The following PDE4B variants were observed in gnomAD, a reference collection of about 807,000 sequenced individuals.
PDE4B encodes phosphodiesterase 4B, also known as 3',5'-cyclic-AMP phosphodiesterase 4B.
Under a neutral mutation model 82.2 loss-of-function variants are expected in PDE4B, and 20 were observed. The observed-to-expected ratio is 0.24, with a 90% CI of 0.17 to 0.35. PDE4B has a LOEUF of 0.35. Among genes scored for constraint, PDE4B ranks in the 10% least tolerant of loss-of-function variants. The pLI is 1.00. For missense variants in PDE4B, 655 were observed against 907.2 expected (o/e 0.72, Z 3.57); for synonymous variants, 320 against 318.9 (o/e 1.00, Z -0.04).
At chr1:66,038,995 T>G (rs1235657760) in intron 3 of PDE4B, among the ~76,000 whole-genome samples, 3 of 152,038 alleles carry the variant, frequency 2.0e-5, no homozygotes, top group African/African-American at 7.2e-5. Context: ...CAGGAAGAGT[T>G]TTATTGCAAC....
At chr1:65,823,566 A>C (rs1645980619) in intron 1 of PDE4B, among the ~76,000 whole-genome samples, 1 of 151,522 alleles carries the variant, frequency 6.6e-6, no homozygotes, top group African/African-American at 2.4e-5. Flanking sequence ...TGTTTGCAGT[A>C]CTCTTTTTAC....
intron 4 of PDE4B, among the ~76,000 whole-genome samples, chr1:66,255,556 A>G (rs551372531): frequency 3.4e-4 from 52 of 152,228 alleles, no homozygotes; most frequent in African/African-American, 1.1e-3. Flanking sequence ...CGTGTTCAGT[A>G]TTTTCCCATT....
At chr1:65,960,122 A>G (rs561255116) in intron 3 of PDE4B, among the ~76,000 whole-genome samples, 11 of 152,198 alleles carry the variant, frequency 7.2e-5, no homozygotes, top group Middle Eastern at 3.2e-3. Flanking sequence ...GCAATTGTTT[A>G]ATGCCTGTGC....
intron 7 of PDE4B, among the ~76,000 whole-genome samples, chr1:66,319,037 C>T (rs1272338388): frequency 6.6e-6 from 1 of 152,174 alleles, no homozygotes; most frequent in Non-Finnish European, 1.5e-5. Context: ...AACTTGAAAG[C>T]GCATGTCAAC....
rs1644963883 is a variant in PDE4B, at chr1:66,089,405, CA to C, written c.282-158054del. ...TCAGATTTCTTGAAAATGTTTTCTC[CA>C]TGTTTATCTGAGAAATTGTTAAAAA... is the stretch of plus-strand genomic sequence containing the variant. On this transcript the variant is annotated intron_variant, in intron 3 of 16. Coordinates refer to ENST00000341517, the MANE Select transcript of PDE4B (RefSeq NM_002600.4). Among the ~76,000 whole-genome samples the C allele has an allele frequency of 2.0e-5, 3 of 152,028 alleles. No homozygotes were observed. In the South Asian group the frequency reaches 6.2e-4, roughly 32 times the overall value.
chr1:66,302,141 GA>G (rs1557688360), intron 7 of PDE4B, among the ~76,000 whole-genome samples: 1 of 152,180 alleles, frequency 6.6e-6, no homozygotes, highest in East Asian at 1.9e-4. Flanking sequence ...GAGGAATCAA[GA>G]AGAGCCTGAA....
intron 1 of PDE4B, among the ~76,000 whole-genome samples, chr1:65,802,396 A>G (rs1645703590): frequency 6.6e-6 from 1 of 152,222 alleles, no homozygotes; most frequent in South Asian, 2.1e-4. Flanking sequence ...GGCACACAGC[A>G]GCTGAGTCCG....
chr1:66,225,635 A>G (rs1651391267), intron 3 of PDE4B, among the ~76,000 whole-genome samples: 1 of 152,228 alleles, frequency 6.6e-6, no homozygotes, highest in Non-Finnish European at 1.5e-5. Context: ...TTTGGGCTCT[A>G]GAAATTCTAA....
At chr1:65,872,684 C>T (rs1646587361) in intron 1 of PDE4B, among the ~76,000 whole-genome samples, 1 of 152,152 alleles carries the variant, frequency 6.6e-6, no homozygotes, top group African/African-American at 2.4e-5. Context: ...AGTCAGCATG[C>T]TTCATTGAAT....
chr1:65,804,364 G>A (rs1017783521), intron 1 of PDE4B, among the ~76,000 whole-genome samples: 2 of 152,210 alleles, frequency 1.3e-5, no homozygotes, highest in African/African-American at 4.8e-5. Flanking sequence ...AAGGAACAAA[G>A]GTGGTTAGTT....
At chr1:66,093,924 A>T (rs967102298) in intron 3 of PDE4B, among the ~76,000 whole-genome samples, 4 of 152,054 alleles carry the variant, frequency 2.6e-5, no homozygotes, top group Non-Finnish European at 5.9e-5. Context: ...TCTTTCATTC[A>T]TTCAATCAAT....
At chr1:65,932,922 A>G (rs1381730634) in intron 3 of PDE4B, among the ~76,000 whole-genome samples, 2 of 152,174 alleles carry the variant, frequency 1.3e-5, no homozygotes, top group South Asian at 2.1e-4. Flanking sequence ...AAAACGAATG[A>G]CAAAAATAAA....
intron 7 of PDE4B, among the ~76,000 whole-genome samples, chr1:66,294,647 C>A (rs1327510048): frequency 5.3e-5 from 8 of 151,928 alleles, no homozygotes; most frequent in Admixed American, 3.9e-4. Flanking sequence ...TTTTTCTTGT[C>A]TATCTGTATT....
Position 66,131,592 on chromosome 1 carries a change from G to GATATATATATATATAT in PDE4B, c.282-115837_282-115822dup, listed in dbSNP as rs71058452. 3.1e-3 allele frequency among the ~76,000 whole-genome samples: 103 copies of GATATATATATATATAT among 32,854 alleles called. 25 individuals are homozygous for GATATATATATATATAT. The highest frequency in any genetic ancestry group is 4.9e-3 in the Non-Finnish European group (62 of 12,602). 21.6% of individuals were successfully genotyped at this position (32,854 alleles called of 152,430 possible). A position where few individuals can be genotyped will look rare whatever the true frequency, so the allele number is the denominator to read the frequency against. ...TATTTTCAATATTTTCTGAATGCCAGATATATATATATATATATATATATA... is the reference window on the plus strand; with the variant it reads ...TATTTTCAATATTTTCTGAATGCCAGATATATATATATATATATATATATATATATATATATATATA... On this transcript the variant is annotated intron_variant, in intron 3 of 16. Coordinates refer to ENST00000341517, the MANE Select transcript of PDE4B (RefSeq NM_002600.4).
intron 3 of PDE4B, among the ~76,000 whole-genome samples, chr1:65,937,649 G>C (rs996805366): frequency 6.6e-6 from 1 of 152,152 alleles, no homozygotes; most frequent in African/African-American, 2.4e-5. Context: ...TTCAAGTACT[G>C]CAGTCAACAA....
chr1:65,863,340 C>T (rs984009841), intron 1 of PDE4B, among the ~76,000 whole-genome samples: 1 of 152,094 alleles, frequency 6.6e-6, no homozygotes, highest in African/African-American at 2.4e-5. Context: ...ATGCTGAGTT[C>T]TAATTTGATG....
At chr1:66,115,582 A>AAATTGT (rs1282153611) in intron 3 of PDE4B, among the ~76,000 whole-genome samples, 1 of 152,254 alleles carries the variant, frequency 6.6e-6, no homozygotes, top group Non-Finnish European at 1.5e-5. Flanking sequence ...ATCAAACATG[A>AAATTGT]AATTGTCTCA....
intron 1 of PDE4B, among the ~76,000 whole-genome samples, chr1:65,856,364 C>A (rs1002287067): frequency 2.6e-5 from 4 of 152,062 alleles, no homozygotes; most frequent in African/African-American, 4.8e-5. Context: ...CCTGGTGTGT[C>A]ATGTTCCCCT....
chr1:66,128,056 T>C (rs1295406339), intron 3 of PDE4B, among the ~76,000 whole-genome samples: 1 of 152,202 alleles, frequency 6.6e-6, no homozygotes, highest in Non-Finnish European at 1.5e-5. Flanking sequence ...GTGGGTTTTA[T>C]TGAGCATTAT....
Sources: allele counts gnomAD v4.1 joint callset (sites outside exome capture counted in the v4.1 genomes callset), GRCh38; gene constraint gnomAD v4.1.1; transcripts MANE v1.5; gene names NCBI Gene and HGNC (gene_info 2026-07-23, HGNC 2026-07-21).